CSMD1: variants seen among roughly 807,000 people sequenced by gnomAD.
CSMD1 encodes CUB and sushi domain-containing protein 1.
In CSMD1, 213 loss-of-function variants were observed where a neutral mutation model predicts 417.5. The ratio of observed to expected loss-of-function variants is 0.51; its 90% CI spans 0.46 to 0.57. CSMD1 has a LOEUF of 0.57. Among genes scored for constraint, CSMD1 ranks in the 20% least tolerant of loss-of-function variants. The probability of loss-of-function intolerance (pLI) is 0.00; values close to 1 mark genes in which losing one functional copy is unlikely to be tolerated. For missense variants in CSMD1, 6,923 were observed against 4,529.7 expected (o/e 1.53, Z -15.17); for synonymous variants, 2,862 against 1,736.8 (o/e 1.65, Z -16.11).
intron 26 of CSMD1, among the ~76,000 whole-genome samples, chr8:3,263,214 T>C (rs1801204807): frequency 6.6e-6 from 1 of 152,240 alleles, no homozygotes; most frequent in Non-Finnish European, 1.5e-5. Flanking sequence ...TTCTCCTGCC[T>C]CAGCCTCCCG....
chr8:4,922,057 T>G (rs1402462556), intron 1 of CSMD1, among the ~76,000 whole-genome samples: 2 of 152,260 alleles, frequency 1.3e-5, no homozygotes, highest in African/African-American at 2.4e-5. Flanking sequence ...ACTGCCCTCT[T>G]CACTTGTACC....
At chr8:3,962,465 T>C (rs1253699615) in intron 5 of CSMD1, among the ~76,000 whole-genome samples, 1 of 152,126 alleles carries the variant, frequency 6.6e-6, no homozygotes, top group Non-Finnish European at 1.5e-5. Context: ...ATGGATCTCC[T>C]TGGATGTCAC....
intron 2 of CSMD1, among the ~76,000 whole-genome samples, chr8:4,444,315 C>G (rs1249199263): frequency 8.2e-6 from 1 of 122,182 alleles, no homozygotes; most frequent in African/African-American, 3.1e-5. Context: ...CGACTTCACT[C>G]AAGCCTGGGC....
At chr8:4,855,773 C>T (rs1372119517) in intron 1 of CSMD1, among the ~76,000 whole-genome samples, 1 of 151,466 alleles carries the variant, frequency 6.6e-6, no homozygotes, top group Non-Finnish European at 1.5e-5. Context: ...GTGAAAAGAC[C>T]AAATCTACGT....
At chr8:4,783,646 C>T (rs183159333) in intron 1 of CSMD1, among the ~76,000 whole-genome samples, 1 of 152,312 alleles carries the variant, frequency 6.6e-6, no homozygotes, top group Non-Finnish European at 1.5e-5. Context: ...CTCCAGGGAG[C>T]TCTTGTCATG....
chr8:3,596,849 G>C (rs759212588), intron 8 of CSMD1, among the ~76,000 whole-genome samples: 2 of 152,150 alleles, frequency 1.3e-5, no homozygotes, highest in African/African-American at 2.4e-5. Context: ...ATGTTTACAA[G>C]ACACTAAAAG....
intron 5 of CSMD1, among the ~76,000 whole-genome samples, chr8:3,980,380 T>C (rs1220081180): frequency 6.6e-6 from 1 of 152,142 alleles, no homozygotes; most frequent in Non-Finnish European, 1.5e-5. Flanking sequence ...ATTTTAAGTG[T>C]TGACCTATTC....
At chr8:4,617,846 C>G (rs1259260486) in intron 2 of CSMD1, among the ~76,000 whole-genome samples, 1 of 152,038 alleles carries the variant, frequency 6.6e-6, no homozygotes, top group African/African-American at 2.4e-5. Flanking sequence ...TGGAAGAGAC[C>G]AAGAACACTC....
intron 17 of CSMD1, among the ~76,000 whole-genome samples, chr8:3,389,670 T>C (rs1811228069): frequency 7.0e-6 from 1 of 143,574 alleles, no homozygotes; most frequent in African/African-American, 2.8e-5. Context: ...ATATTAATGG[T>C]TTTAATAATG....
chr8:3,818,554 A>T (rs985985670), intron 5 of CSMD1, among the ~76,000 whole-genome samples: 2 of 152,162 alleles, frequency 1.3e-5, no homozygotes, highest in African/African-American at 2.4e-5. Context: ...ACAGGAGACT[A>T]GCCAGCATGA....
At chr8:3,758,089 G>T (rs998416049) in intron 5 of CSMD1, among the ~76,000 whole-genome samples, 22 of 152,004 alleles carry the variant, frequency 1.4e-4, no homozygotes, top group African/African-American at 5.3e-4. Context: ...TCAGCCTCCT[G>T]AGTAGCTGGG....
chr8:3,076,420 C>G (rs1418458323), intron 49 of CSMD1, among the ~76,000 whole-genome samples: 2 of 152,174 alleles, frequency 1.3e-5, no homozygotes, highest in East Asian at 1.9e-4. Context: ...CAGTCCCATT[C>G]TAAGGTACTG....
At chr8:3,797,176 C>A (rs76634798) in intron 5 of CSMD1, among the ~76,000 whole-genome samples, 2,528 of 151,930 alleles carry the variant, frequency 0.017, 62 homozygotes, top group African/African-American at 0.057. Flanking sequence ...AAAGTCTATT[C>A]AACTTGAAAT....
At chr8:4,555,528 G>A (rs1397937359) in intron 2 of CSMD1, among the ~76,000 whole-genome samples, 3 of 152,132 alleles carry the variant, frequency 2.0e-5, no homozygotes, top group African/African-American at 7.2e-5. Flanking sequence ...CTCTCCATCT[G>A]CATCCCAGTT....
intron 8 of CSMD1, among the ~76,000 whole-genome samples, chr8:3,589,250 G>A (rs1197177519): frequency 6.6e-6 from 1 of 152,002 alleles, no homozygotes; most frequent in Non-Finnish European, 1.5e-5. Flanking sequence ...TATATCTGAA[G>A]GAAATGAAAT....
At chr8:4,157,742 G>C (rs1300848260) in intron 3 of CSMD1, among the ~76,000 whole-genome samples, 1 of 152,200 alleles carries the variant, frequency 6.6e-6, no homozygotes, top group Admixed American at 6.5e-5. Flanking sequence ...TTTCCTAGGA[G>C]TCAGGGCCAG....
intron 3 of CSMD1, among the ~76,000 whole-genome samples, chr8:4,220,776 C>G (rs1286766112): frequency 6.6e-6 from 1 of 152,188 alleles, no homozygotes; most frequent in Non-Finnish European, 1.5e-5. Flanking sequence ...TGGGGCCACC[C>G]AAGAAATCCT....
intron 41 of CSMD1, among the ~76,000 whole-genome samples, chr8:3,125,851 C>A (rs1817479602): frequency 6.6e-6 from 1 of 152,154 alleles, no homozygotes; most frequent in East Asian, 1.9e-4. Flanking sequence ...GTAGCAGATG[C>A]CTGTAACCCC....
intron 8 of CSMD1, among the ~76,000 whole-genome samples, chr8:3,597,636 C>T (rs1390943474): frequency 6.6e-6 from 1 of 152,178 alleles, no homozygotes; most frequent in Non-Finnish European, 1.5e-5. Flanking sequence ...CACATATACA[C>T]CATGGAATAC....
Sources: allele counts gnomAD v4.1 joint callset (sites outside exome capture counted in the v4.1 genomes callset), GRCh38; gene constraint gnomAD v4.1.1; transcripts MANE v1.5; gene names NCBI Gene and HGNC (gene_info 2026-07-23, HGNC 2026-07-21).